ASAP1: variants seen among roughly 807,000 people sequenced by gnomAD.
ASAP1 encodes arf-GAP with SH3 domain, ANK repeat and PH domain-containing protein 1.
A neutral mutation model predicts 145.2 loss-of-function variants in ASAP1; 43 were observed. The observed-to-expected ratio is 0.30, with a 90% CI of 0.23 to 0.38. The LOEUF is 0.38. Ranked by LOEUF, ASAP1 falls within the 10% of genes least tolerant of loss-of-function variation. ASAP1 has a pLI of 1.00. For missense variants in ASAP1, 1,018 were observed against 1,355.3 expected (o/e 0.75, Z 3.91); for synonymous variants, 546 against 515.5 (o/e 1.06, Z -0.80).
At chr8:130,393,259 A>T (rs1828370092) in intron 2 of ASAP1, among the ~76,000 whole-genome samples, 1 of 152,176 alleles carries the variant, frequency 6.6e-6, no homozygotes, top group Non-Finnish European at 1.5e-5. Context: ...GCCTTAGGAA[A>T]ATCATGAGGA....
chr8:130,190,671 C>T (rs1815076315), intron 5 of ASAP1, among the ~76,000 whole-genome samples: 2 of 152,164 alleles, frequency 1.3e-5, no homozygotes, highest in Non-Finnish European at 2.9e-5. Context: ...GCATGCATCA[C>T]TACGTCCGGC....
At chr8:130,277,400 A>G (rs984115989) in intron 3 of ASAP1, among the ~76,000 whole-genome samples, 1 of 152,254 alleles carries the variant, frequency 6.6e-6, no homozygotes, top group Non-Finnish European at 1.5e-5. Flanking sequence ...CAAAAGATGA[A>G]GCAGATGAAG....
At chr8:130,206,461 A>C (rs55968438) in intron 5 of ASAP1, among the ~76,000 whole-genome samples, 4,021 of 152,266 alleles carry the variant, frequency 0.026, 62 homozygotes, top group Middle Eastern at 0.044. Flanking sequence ...AAATAAAAAA[A>C]AAAACAACTT....
chr8:130,387,035 T>C (rs1217629143), intron 2 of ASAP1, among the ~76,000 whole-genome samples: 1 of 152,222 alleles, frequency 6.6e-6, no homozygotes, highest in African/African-American at 2.4e-5. Context: ...TTGTTCTTTA[T>C]TTTCTTAAAA....
intron 3 of ASAP1, among the ~76,000 whole-genome samples, chr8:130,323,104 G>C (rs747720847): frequency 1.7e-4 from 26 of 152,216 alleles, no homozygotes; most frequent in Admixed American, 5.2e-4. Context: ...CACAGAAATG[G>C]AAGGAAACTG....
chr8:130,332,342 C>G (rs1331589121), intron 3 of ASAP1, among the ~76,000 whole-genome samples: 1 of 152,120 alleles, frequency 6.6e-6, no homozygotes, highest in Non-Finnish European at 1.5e-5. Flanking sequence ...CTAATTTCAC[C>G]CAGAAGCCCA....
chr8:130,409,540 C>A (rs915754076), intron 1 of ASAP1, among the ~76,000 whole-genome samples: 2 of 152,162 alleles, frequency 1.3e-5, no homozygotes, highest in Admixed American at 1.3e-4. Flanking sequence ...TCTGATAACT[C>A]TATCTTCCCA....
chr8:130,058,001 C>T lies in ASAP1; in HGVS notation c.3268G>A (p.Glu1090Lys), dbSNP rs200013346. The T allele has an allele frequency of 3.7e-5, 60 of 1,614,106 alleles. No individual in the cohort carries two copies. The highest frequency in any genetic ancestry group is 5.3e-5 in the African/African-American group (4 of 74,934). ...ADNDDELTFI[E>K]GEVIIVTGEE... The stretch of plus-strand genomic sequence containing the variant: ...CCTGTGACGATAATCACTTCTCCCT[C>T]GATGAATGTGAGCTCGTCATCGTTG... Residue 1090 changes from glutamate to lysine, a missense_variant, in exon 29 of 30, where the codon GAG becomes AAG. Physicochemically the swap from Glu to Lys is moderately conservative, Grantham distance 56. This residue lies in a region of ASAP1 where 62 missense variants were observed against 97.8 expected (regional missense o/e 0.63). Transcript: ENST00000518721.
chr8:130,401,117 G>A lies in ASAP1; in HGVS notation c.59+768C>T, dbSNP rs527337187. ...GGCTGGTCTCGAACTCCTAACCTGA[G>A]GTGATTCTCCCGCCTCGGCCTCCCA... On this transcript the variant is annotated intron_variant, in intron 2 of 29. Transcript: ENST00000518721. 3.5e-4 allele frequency among the ~76,000 whole-genome samples: 53 copies of A among 151,962 alleles called. No individual in the cohort carries two copies. The South Asian group carries it at 0.01, about 29-fold the overall frequency.
At chr8:130,218,366 T>C (rs967112731) in intron 4 of ASAP1, among the ~76,000 whole-genome samples, 3 of 152,174 alleles carry the variant, frequency 2.0e-5, no homozygotes. Flanking sequence ...AATTAGTTAA[T>C]CGAATATACA....
intron 27 of ASAP1, among the ~76,000 whole-genome samples, chr8:130,067,436 C>T (rs1351167958): frequency 3.9e-5 from 6 of 152,216 alleles, no homozygotes; most frequent in Non-Finnish European, 8.8e-5. Context: ...CACTCTGTCA[C>T]CTAGGCTGGA....
intron 13 of ASAP1, among the ~76,000 whole-genome samples, chr8:130,149,494 C>G (rs1295821905): frequency 2.6e-5 from 4 of 152,258 alleles, no homozygotes; most frequent in East Asian, 3.9e-4. Context: ...TGAATCACCT[C>G]TGGTGCAGAC....
chr8:130,091,391 A>G (rs2097505127), intron 25 of ASAP1, among the ~76,000 whole-genome samples: 1 of 152,188 alleles, frequency 6.6e-6, no homozygotes, highest in African/African-American at 2.4e-5. Flanking sequence ...AGCATGACAG[A>G]GTTCCAGGGA....
chr8:130,250,050 A>T (rs1297485191), intron 3 of ASAP1, among the ~76,000 whole-genome samples: 1 of 152,216 alleles, frequency 6.6e-6, no homozygotes, highest in African/African-American at 2.4e-5. Context: ...AATAGCATCA[A>T]CATGGAAATA....
intron 3 of ASAP1, among the ~76,000 whole-genome samples, chr8:130,349,672 T>C (rs1565233833): frequency 6.6e-6 from 1 of 152,142 alleles, no homozygotes; most frequent in Non-Finnish European, 1.5e-5. Context: ...CCTATCTAAC[T>C]CTCCATGAAG....
At chr8:130,237,529 CA>C (rs765085281) in intron 3 of ASAP1, among the ~76,000 whole-genome samples, 19 of 151,832 alleles carry the variant, frequency 1.3e-4, no homozygotes, top group Admixed American at 2.6e-4. Flanking sequence ...TGACATATGG[CA>C]GTTGAATTTT....
intron 1 of ASAP1, among the ~76,000 whole-genome samples, chr8:130,428,535 T>C (rs1321663676): frequency 1.9e-5 from 2 of 105,576 alleles, no homozygotes; most frequent in Non-Finnish European, 4.0e-5. Flanking sequence ...AGCACCACTA[T>C]CATCACCATC....
chr8:130,263,597 G>A (rs369194714), intron 3 of ASAP1, among the ~76,000 whole-genome samples: 9 of 152,164 alleles, frequency 5.9e-5, no homozygotes, highest in African/African-American at 2.2e-4. Flanking sequence ...CACTTAGGGA[G>A]CCTAACTGAA....
chr8:130,254,331 A>C (rs1338708567), intron 3 of ASAP1, among the ~76,000 whole-genome samples: 1 of 151,992 alleles, frequency 6.6e-6, no homozygotes, highest in African/African-American at 2.4e-5. Flanking sequence ...CACGGCACTT[A>C]AAACAAGAAT....
Sources: allele counts gnomAD v4.1 joint callset (sites outside exome capture counted in the v4.1 genomes callset), GRCh38; gene constraint gnomAD v4.1.1; regional missense constraint gnomAD v4.1.1; transcripts MANE v1.5; gene names NCBI Gene and HGNC (gene_info 2026-07-23, HGNC 2026-07-21).